Variants in CWH43 observed in about 807,000 individuals in gnomAD.
CWH43 encodes the protein PGAP2-interacting protein.
In CWH43, 91 loss-of-function variants were observed where a neutral mutation model predicts 85.7. The ratio of observed to expected loss-of-function variants is 1.06; its 90% CI spans 0.90 to 1.26. The LOEUF is 1.26. Among genes scored for constraint, CWH43 ranks in the 50% most tolerant of loss-of-function variants. CWH43 has a pLI of 0.00. For synonymous variants in CWH43, 323 were observed against 293.6 expected (o/e 1.10, Z -1.02); for missense variants, 869 against 839.2 (o/e 1.04, Z -0.44).
chr4:49,009,300 G>C (rs942542716), intron 8 of CWH43, among the ~76,000 whole-genome samples: 3 of 152,134 alleles, frequency 2.0e-5, no homozygotes, highest in Non-Finnish European at 4.4e-5. Flanking sequence ...GTATAGGAAT[G>C]GTTGGGATTT....
chr4:49,017,293 C>G lies in CWH43; in HGVS notation c.1231C>G (p.Arg411Gly). ...TGTGGGATTGTTGGGATTAGGACTA[C>G]GGCATAAAGCCTATGAGAGAAAACT... ...VGVGLLGLGL[R>G]HKAYERKLGK... Residue 411 changes from arginine to glycine, a missense_variant, in exon 9 of 16, where the codon CGG becomes GGG. Arg to Gly is a moderately radical substitution (Grantham distance 125, BLOSUM62 -2). This residue lies in a region of CWH43 where 577 missense variants were observed against 513.1 expected (regional missense o/e 1.12). Transcript: ENST00000226432. 1 of 1,612,030 alleles carries G rather than the reference C, an allele frequency of 6.2e-7. No homozygotes were observed. Among genetic ancestry groups the G allele is most frequent in the Non-Finnish European group, 8.5e-7 (1 of 1,178,796 alleles).
intron 13 of CWH43, among the ~76,000 whole-genome samples, chr4:49,039,789 C>T (rs1328988165): frequency 6.6e-6 from 1 of 151,672 alleles, no homozygotes; most frequent in Non-Finnish European, 1.5e-5. Context: ...TACATGTGCA[C>T]AATGTGCAGG....
At chr4:49,015,360 T>G (rs780474309) in intron 8 of CWH43, among the ~76,000 whole-genome samples, 1 of 152,146 alleles carries the variant, frequency 6.6e-6, no homozygotes, top group African/African-American at 2.4e-5. Context: ...TGTTTTTCTC[T>G]TAGCACATTG....
rs1427207092 is a variant in CWH43 at position 48,988,572 on chromosome 4, A to T, written c.139A>T (p.Ile47Leu). 1 of 1,613,014 alleles carries T rather than the reference A, an allele frequency of 6.2e-7. No individual in the cohort carries two copies. The highest frequency in any genetic ancestry group is 1.7e-5 in the Admixed American group (1 of 59,956). The change falls in exon 2 of 16, where the codon ATA becomes TTA. Residue 47 changes from isoleucine (I) to leucine (L), a missense_variant. Ile to Leu is a conservative substitution (Grantham distance 5). Around this residue, in one of 3 missense-constraint regions of CWH43, gnomAD observed 140 missense variants for 122.6 expected, o/e 1.14. Coordinates refer to ENST00000226432, the MANE Select transcript of CWH43 (RefSeq NM_025087.3). Reference protein sequence around the residue: ...LELTGLEGFSIAFLSPIFLTI... With the variant: ...LELTGLEGFSLAFLSPIFLTI... ...ACTCACTGGGCTTGAAGGTTTTAGT[A>T]TAGCATTTCTTTCTCCAATATTCCT...
At chr4:49,051,463 T>C (rs1208632107) in intron 15 of CWH43, among the ~76,000 whole-genome samples, 2 of 152,240 alleles carry the variant, frequency 1.3e-5, no homozygotes, top group South Asian at 2.1e-4. Context: ...GGGTGGTATC[T>C]GGGCTGTGGA....
chr4:49,016,760 A>T, intron 8 of CWH43: 1 of 777,902 alleles, frequency 1.3e-6, no homozygotes. Context: ...CTTCCCTTGC[A>T]TCTAGCTTCT....
At chr4:49,005,260 G>T (rs563439655) in intron 7 of CWH43, among the ~76,000 whole-genome samples, 5 of 152,206 alleles carry the variant, frequency 3.3e-5, no homozygotes, top group African/African-American at 1.2e-4. Flanking sequence ...TACATGCATA[G>T]GTTGCATAGT....
chr4:49,009,331 C>T (rs1783275084), intron 8 of CWH43, among the ~76,000 whole-genome samples: 1 of 152,144 alleles, frequency 6.6e-6, no homozygotes, highest in Non-Finnish European at 1.5e-5. Flanking sequence ...ATTTTGTATC[C>T]TGAGACTTTG....
intron 15 of CWH43, among the ~76,000 whole-genome samples, chr4:49,061,400 A>G (rs931216771): frequency 6.6e-6 from 1 of 152,238 alleles, no homozygotes; most frequent in Non-Finnish European, 1.5e-5. Flanking sequence ...TTAAATAGTT[A>G]TTCATGTGCA....
chr4:49,053,219 TTTCTTGG>T (rs1784852010), intron 15 of CWH43, among the ~76,000 whole-genome samples: 1 of 152,236 alleles, frequency 6.6e-6, no homozygotes, highest in Non-Finnish European at 1.5e-5. Context: ...GTTAATTATA[TTTCTTGG>T]CTATAGTGAA....
intron 8 of CWH43, among the ~76,000 whole-genome samples, chr4:49,013,875 C>G (rs187996397): frequency 2.6e-5 from 4 of 152,060 alleles, no homozygotes; most frequent in Admixed American, 2.0e-4. Context: ...GTTTACTATT[C>G]AATATAGTAA....
In CWH43 at chr4:48,988,462, T is replaced by G; in HGVS notation, c.44-15T>G. 6.9e-7 allele frequency: 1 copy of G among 1,453,640 alleles called. No homozygotes were observed. Among genetic ancestry groups the G allele is most frequent in the Non-Finnish European group, 9.2e-7 (1 of 1,082,130 alleles). The allele number at this position is 1,453,640 out of a possible 1,614,324, so 90.0% of individuals were successfully genotyped here. ...AAGTTACACTTTCTCTCTTTAACTT[T>G]TTTTTTTTTTGTAGGATGTGTTTCT... On this transcript the variant is annotated splice_polypyrimidine_tract_variant and intron_variant, in intron 1 of 15. Transcript: ENST00000226432.
At chr4:49,047,319 A>G (rs544520485) in intron 14 of CWH43, among the ~76,000 whole-genome samples, 3 of 152,210 alleles carry the variant, frequency 2.0e-5, no homozygotes, top group Non-Finnish European at 2.9e-5. Context: ...ATGCCAGGCA[A>G]TAGGGATAAA....
At position 49,061,954 on chromosome 4, in the gene CWH43, GAA is replaced by G; in HGVS notation, c.*65_*66del. On this transcript the variant is annotated 3_prime_UTR_variant, in exon 16 of 16. Coordinates refer to ENST00000226432, the MANE Select transcript of CWH43 (RefSeq NM_025087.3). ...AGAAAAAAAGTATGTAAGATAAAAA[GAA>G]GAGATTAATGAAAGTGGGAAAATAC... The G allele has an allele frequency of 8.4e-7, 1 of 1,186,398 alleles. No individual in the cohort carries two copies. The highest frequency in any genetic ancestry group is 1.1e-6 in the Non-Finnish European group (1 of 903,468). The allele number at this position is 1,186,398 out of a possible 1,614,324, so 73.5% of individuals were successfully genotyped here. A position where few individuals can be genotyped will look rare whatever the true frequency, so the allele number is the denominator to read the frequency against.
intron 8 of CWH43, among the ~76,000 whole-genome samples, chr4:49,007,834 G>C (rs1213697202): frequency 1.3e-5 from 2 of 152,186 alleles, no homozygotes; most frequent in Admixed American, 6.5e-5. Context: ...GTATTCCATG[G>C]TGTATATGTG....
chr4:49,045,802 TTGTATGTATACTGA>T (rs1577706576), intron 14 of CWH43, among the ~76,000 whole-genome samples: 2 of 152,166 alleles, frequency 1.3e-5, no homozygotes, highest in African/African-American at 4.8e-5. Context: ...ATTCCAATAC[TTGTATGTATACTGA>T]TCAAATCATT....
Position 49,038,183 on chromosome 4 carries a change from A to G in CWH43, c.1803+3A>G. 3 of 1,547,758 alleles carry G rather than the reference A, an allele frequency of 1.9e-6. No individual in the cohort carries two copies. The highest frequency in any genetic ancestry group is 2.6e-6 in the Non-Finnish European group (3 of 1,147,382). On this transcript the variant is annotated splice_donor_region_variant and intron_variant, in intron 13 of 15. Transcript: ENST00000226432. ...TCACTGAACATGGCAATGTGAAGGT[A>G]ACATAATCTTAATAGGATTTCTAAT...
chr4:49,027,425 A>G (rs529877377), intron 9 of CWH43, among the ~76,000 whole-genome samples: 1 of 152,360 alleles, frequency 6.6e-6, no homozygotes, highest in South Asian at 2.1e-4. Flanking sequence ...ACAGATGAAT[A>G]GTTGTAAGAA....
intron 8 of CWH43, among the ~76,000 whole-genome samples, chr4:49,012,939 A>T (rs1783412119): frequency 6.6e-6 from 1 of 152,224 alleles, no homozygotes; most frequent in African/African-American, 2.4e-5. Context: ...GTTAGGCTAC[A>T]TGGGGGTCAG....
Sources: gnomAD v4.1 joint callset for allele counts (sites outside exome capture counted in the v4.1 genomes callset) on GRCh38, gnomAD v4.1.1 for gene constraint, gnomAD v4.1.1 regional missense constraint, MANE v1.5 for transcripts, NCBI Gene and HGNC (gene_info 2026-07-23, HGNC 2026-07-21) for gene names.